ADAMTS9: variants seen among roughly 807,000 people sequenced by gnomAD.
ADAMTS9 encodes the protein ADAM metallopeptidase with thrombospondin type 1 motif 9.
In ADAMTS9, 107 loss-of-function variants were observed where a neutral mutation model predicts 257.1. The ratio of observed to expected loss-of-function variants is 0.42; its 90% CI spans 0.36 to 0.49. ADAMTS9 has a LOEUF of 0.49. ADAMTS9 is among the 20% of genes least tolerant of loss of function. The pLI is 0.03. For missense variants in ADAMTS9, 2,353 were observed against 2,469.1 expected (o/e 0.95, Z 1.00); for synonymous variants, 982 against 880.9 (o/e 1.11, Z -2.03).
At chr3:64,615,510 A>G (rs776792004) in intron 20 of ADAMTS9, 25 bp from the exon 21 acceptor site, 41 of 1,584,714 alleles carry the variant, frequency 2.6e-5, no homozygotes, top group Non-Finnish European at 3.4e-5. Flanking sequence ...TAAATAAATA[A>G]AACTGTTGCT....
At chr3:64,531,147 G>T (rs77441101) in intron 38 of ADAMTS9, among the ~76,000 whole-genome samples, 284 of 151,406 alleles carry the variant, frequency 1.9e-3, no homozygotes, top group African/African-American at 6.6e-3. Flanking sequence ...GGAGAAGAGA[G>T]AGAGTGAGAT....
chr3:64,575,402 C>T (rs560437688), intron 28 of ADAMTS9, among the ~76,000 whole-genome samples: 1 of 152,288 alleles, frequency 6.6e-6, no homozygotes, highest in Non-Finnish European at 1.5e-5. Context: ...TGGCTCCCGT[C>T]GCAATGGGGG....
rs57471985 is a variant in ADAMTS9, at chr3:64,643,445, A to ATTTTTTTTTTTTTTTTTTTTTTTTTTT, written c.1711-1453_1711-1452insAAAAAAAAAAAAAAAAAAAAAAAAAAA. On this transcript the variant is annotated intron_variant, in intron 11 of 39. Coordinates refer to ENST00000498707, the MANE Select transcript of ADAMTS9 (RefSeq NM_182920.2). Reference sequence around the variant, plus strand: ...GTAGTCAACATAACATTACTCAATAATTTTTTTTTTTTTTTTTTTTTTTTT... The same window carrying ATTTTTTTTTTTTTTTTTTTTTTTTTTT: ...GTAGTCAACATAACATTACTCAATAATTTTTTTTTTTTTTTTTTTTTTTTTTTTTTTTTTTTTTTTTTTTTTTTTTTT... Among the ~76,000 whole-genome samples, 3 of 61,416 alleles carry ATTTTTTTTTTTTTTTTTTTTTTTTTTT rather than the reference A, an allele frequency of 4.9e-5. 1 individual carries two copies. The highest frequency in any genetic ancestry group is 2.9e-5 in the Non-Finnish European group (1 of 34,890). The allele number at this position is 61,416 out of a possible 152,430, so 40.3% of individuals were successfully genotyped here.
Position 64,687,666 on chromosome 3 carries a change from C to T in ADAMTS9, c.-9G>A. 1 of 1,498,736 alleles carries T rather than the reference C, an allele frequency of 6.7e-7. No individual in the cohort carries two copies. Among genetic ancestry groups the T allele is most frequent in the Non-Finnish European group, 9.0e-7 (1 of 1,112,498 alleles). 92.8% of individuals were successfully genotyped at this position (1,498,736 alleles called of 1,614,324 possible). ...CAGGATACAAACTGCATGGTGCTTC[C>T]CACCCCTCCCTCCGCTGCCCCCACC... On this transcript the variant is annotated 5_prime_UTR_variant, in exon 1 of 40. Coordinates refer to ENST00000498707, the MANE Select transcript of ADAMTS9 (RefSeq NM_182920.2). This position sits in a 1 kb window ranked among gnomAD's most constrained non-coding sequence, Gnocchi z 4.4.
At chr3:64,673,102 T>C (rs1306738416) in intron 3 of ADAMTS9, among the ~76,000 whole-genome samples, 7 of 152,190 alleles carry the variant, frequency 4.6e-5, no homozygotes, top group African/African-American at 1.7e-4. Context: ...CTATCCCATC[T>C]AGGTTTGTGT....
chr3:64,669,696 G>A lies in ADAMTS9; in HGVS notation c.680-10905C>T, dbSNP rs558632409. On this transcript the variant is annotated intron_variant, in intron 3 of 39. Transcript: ENST00000498707. ...TGTCAGAAAGTGTATGGATGAAACA[G>A]TCAGCAGGGTGGCAGGGTAGAATAA... Among the ~76,000 whole-genome samples, 4 of 152,278 alleles carry A rather than the reference G, an allele frequency of 2.6e-5. No homozygotes were observed. In the East Asian group the frequency reaches 5.8e-4, roughly 22 times the overall value.
chr3:64,564,756 A>T lies in ADAMTS9; in HGVS notation c.4525-3005T>A, dbSNP rs559234359. Among the ~76,000 whole-genome samples the T allele has an allele frequency of 5.3e-4, 81 of 152,058 alleles. 1 individual carries two copies. The highest frequency in any genetic ancestry group is 1.9e-3 in the African/African-American group (77 of 41,496). ...GACATTCCCAAATGTCCCATGGGGTACAAAATCACCCCCATTTGAAAGCTT... is the reference window on the plus strand; with the variant it reads ...GACATTCCCAAATGTCCCATGGGGTTCAAAATCACCCCCATTTGAAAGCTT... On this transcript the variant is annotated intron_variant, in intron 29 of 39. Coordinates refer to ENST00000498707, the MANE Select transcript of ADAMTS9 (RefSeq NM_182920.2).
At chr3:64,655,095 A>G (rs1701029495) in intron 6 of ADAMTS9, among the ~76,000 whole-genome samples, 1 of 152,244 alleles carries the variant, frequency 6.6e-6, no homozygotes, top group Non-Finnish European at 1.5e-5. Context: ...AAAACTTGGG[A>G]GGTTTCACAT....
intron 3 of ADAMTS9, among the ~76,000 whole-genome samples, chr3:64,668,283 AAT>A (rs1701397442): frequency 1.3e-5 from 2 of 152,256 alleles, no homozygotes; most frequent in South Asian, 4.1e-4. Context: ...TAATTTTAAT[AAT>A]AGAGTCTATT....
rs368051337 is a variant in ADAMTS9, at chr3:64,681,048, A to C, written c.679+153T>G. On this transcript the variant is annotated intron_variant, in intron 3 of 39. Coordinates refer to ENST00000498707, the MANE Select transcript of ADAMTS9 (RefSeq NM_182920.2). ...CTCTCCTTAGTCTCCACATCTGTAC[A>C]GTGGGGTATGTATCCCTACATCATT... Among the ~76,000 whole-genome samples, 124 of 152,298 alleles carry C rather than the reference A, an allele frequency of 8.1e-4. 3 individuals carry two copies. The South Asian group carries it at 0.022, about 27-fold the overall frequency.
intron 38 of ADAMTS9, among the ~76,000 whole-genome samples, chr3:64,527,635 C>T (rs1205670505): frequency 6.6e-6 from 1 of 152,042 alleles, no homozygotes; most frequent in African/African-American, 2.4e-5. Flanking sequence ...CCTGAAATTG[C>T]CCATAAAACA....
intron 37 of ADAMTS9, among the ~76,000 whole-genome samples, chr3:64,536,599 C>T (rs935859594): frequency 6.6e-5 from 10 of 152,178 alleles, no homozygotes; most frequent in African/African-American, 2.2e-4. Flanking sequence ...GGTTCAAATC[C>T]AGACTCTACT....
chr3:64,614,164 G>A (rs1451551915), intron 21 of ADAMTS9, among the ~76,000 whole-genome samples: 1 of 152,142 alleles, frequency 6.6e-6, no homozygotes, highest in Non-Finnish European at 1.5e-5. Context: ...TTTACAGTTT[G>A]ATCTCCCAAC....
chr3:64,588,385 CAATA>C (rs1368408385), intron 28 of ADAMTS9: 1 of 151,922 alleles, frequency 6.6e-6, no homozygotes, highest in Non-Finnish European at 1.5e-5. Flanking sequence ...CCCTGGCCTA[CAATA>C]GGCACTTAGA....
intron 30 of ADAMTS9, 135 bp downstream of exon 30, chr3:64,561,441 CAG>C: frequency 1.1e-6 from 1 of 952,024 alleles, no homozygotes; most frequent in Non-Finnish European, 1.5e-6. Flanking sequence ...GCGAGTCTGA[CAG>C]TGAACCTTTT....
At chr3:64,672,677 T>C (rs1437405728) in intron 3 of ADAMTS9, among the ~76,000 whole-genome samples, 2 of 145,974 alleles carry the variant, frequency 1.4e-5, no homozygotes, top group Non-Finnish European at 3.0e-5. Flanking sequence ...AGCAAGACTC[T>C]CAAAACAACA....
At chr3:64,600,656 C>T (rs568170533) in intron 26 of ADAMTS9, among the ~76,000 whole-genome samples, 3 of 152,300 alleles carry the variant, frequency 2.0e-5, no homozygotes, top group African/African-American at 7.2e-5. Context: ...TTTACTTTCT[C>T]AGAACTGAAA....
In ADAMTS9 at chr3:64,516,475, T is replaced by C. The variant is rs2082776476; in HGVS notation, c.*652A>G. On this transcript the variant is annotated 3_prime_UTR_variant, in exon 40 of 40. Coordinates refer to ENST00000498707, the MANE Select transcript of ADAMTS9 (RefSeq NM_182920.2). Reference sequence around the variant, plus strand: ...CTGTGCACTGGAAATTGTCCTTCCGTTCCTCCCTTTCATTAAAAGTGTTTA... The same window carrying C: ...CTGTGCACTGGAAATTGTCCTTCCGCTCCTCCCTTTCATTAAAAGTGTTTA... The C allele has an allele frequency of 6.6e-6, 1 of 152,640 alleles. No homozygotes were observed. Among genetic ancestry groups the C allele is most frequent in the Non-Finnish European group, 1.5e-5 (1 of 68,046 alleles). 9.5% of individuals were successfully genotyped at this position (152,640 alleles called of 1,614,324 possible).
intron 12 of ADAMTS9, among the ~76,000 whole-genome samples, chr3:64,638,641 A>G (rs1445351163): frequency 6.6e-6 from 1 of 152,170 alleles, no homozygotes; most frequent in Non-Finnish European, 1.5e-5. Flanking sequence ...TGAGGGCCCC[A>G]CCTGTAACAC....
Sources: gnomAD v4.1 joint callset for allele counts (sites outside exome capture counted in the v4.1 genomes callset) on GRCh38, gnomAD v4.1.1 for gene constraint, Gnocchi (gnomAD v3.1) non-coding constraint, MANE v1.5 for transcripts, NCBI Gene and HGNC (gene_info 2026-07-23, HGNC 2026-07-21) for gene names.